Variants in TBL1XR1 observed in about 807,000 individuals in gnomAD.
TBL1XR1 encodes the protein F-box-like/WD repeat-containing protein TBL1XR1.
Under a neutral mutation model 66.9 loss-of-function variants are expected in TBL1XR1, and 5 were observed. That is an observed-to-expected ratio of 0.07 (90% CI 0.04 to 0.16). The LOEUF is 0.16. TBL1XR1 is among the 10% of genes least tolerant of loss of function. TBL1XR1 has a pLI of 1.00. For synonymous variants in TBL1XR1, 210 were observed against 206.0 expected, an observed-to-expected ratio of 1.02 and a Z score of -0.17; for missense variants, 238 against 623.2, an observed-to-expected ratio of 0.38 and a Z score of 6.58.
intron 2 of TBL1XR1, among the ~76,000 whole-genome samples, chr3:177,071,534 T>G (rs967990063): frequency 1.3e-5 from 2 of 152,078 alleles, no homozygotes; most frequent in African/African-American, 4.8e-5. Context: ...AGAGTAAAAA[T>G]GTCCAAAAGA....
chr3:177,135,307 C>CTGTGTGTGTG lies in TBL1XR1; in HGVS notation c.-121-36776_-121-36767dup, dbSNP rs376418228. On this transcript the variant is annotated intron_variant, in intron 1 of 15. Coordinates refer to ENST00000457928, the MANE Select transcript of TBL1XR1 (RefSeq NM_024665.7). The stretch of plus-strand genomic sequence containing the variant: ...GTGAGCCACCGCACAAGGCCGCACT[C>CTGTGTGTGTG]TGTGTGTGTGTGTGTGTGTGTGTGT... Among the ~76,000 whole-genome samples the CTGTGTGTGTG allele has an allele frequency of 1.9e-4, 14 of 72,586 alleles. 2 individuals carry two copies. Among genetic ancestry groups the CTGTGTGTGTG allele is most frequent in the South Asian group, 1.0e-3 (2 of 1,986 alleles). 47.6% of individuals were successfully genotyped at this position (72,586 alleles called of 152,430 possible). A position where few individuals can be genotyped will look rare whatever the true frequency, so the allele number is the denominator to read the frequency against.
rs1179754580 is a variant in TBL1XR1, at chr3:177,023,388, A to G, written c.*2110T>C. 1 of 152,472 alleles carries G rather than the reference A, an allele frequency of 6.6e-6. No homozygotes were observed. Among genetic ancestry groups the G allele is most frequent in the African/African-American group, 2.4e-5 (1 of 41,430 alleles). 9.4% of individuals were successfully genotyped at this position (152,472 alleles called of 1,614,324 possible). On this transcript the variant is annotated 3_prime_UTR_variant, in exon 16 of 16. Coordinates refer to ENST00000457928, the MANE Select transcript of TBL1XR1 (RefSeq NM_024665.7). Reference sequence around the variant, plus strand: ...CAACCACAGATGTGGACCTCCAGCAATAAAAGCAGGAATTCAAGTGCCAGA... The same window carrying G: ...CAACCACAGATGTGGACCTCCAGCAGTAAAAGCAGGAATTCAAGTGCCAGA...
At chr3:177,065,141 C>A in intron 2 of TBL1XR1, 119 bp from the exon 3 acceptor site, 2 of 574,084 alleles carry the variant, frequency 3.5e-6, no homozygotes, top group Non-Finnish European at 5.4e-6. Flanking sequence ...TCTACATTGC[C>A]TAATAATAAA....
intron 1 of TBL1XR1, among the ~76,000 whole-genome samples, chr3:177,189,283 C>G (rs1257235663): frequency 7.3e-6 from 1 of 137,682 alleles, no homozygotes; most frequent in Non-Finnish European, 1.6e-5. Flanking sequence ...TCTGGGAAGC[C>G]GAGGTGGGCA....
At chr3:177,037,818 G>T in intron 12 of TBL1XR1, 2 of 233,450 alleles carry the variant, frequency 8.6e-6, no homozygotes, top group Non-Finnish European at 1.6e-5. Context: ...CTTCTTATTG[G>T]TTCTGTTTCT....
At chr3:177,174,615 G>A (rs764594102) in intron 1 of TBL1XR1, among the ~76,000 whole-genome samples, 21 of 152,052 alleles carry the variant, frequency 1.4e-4, no homozygotes, top group Admixed American at 5.2e-4. Context: ...AAGGAGACCC[G>A]GATGCTTAGC....
At chr3:177,189,664 A>AAAAAAAAAAAAAAAAAAAAAAAAATTTC (rs57549428) in intron 1 of TBL1XR1, among the ~76,000 whole-genome samples, 13 of 141,930 alleles carry the variant, frequency 9.2e-5, no homozygotes, top group African/African-American at 3.3e-4. Context: ...AAAAAAAAAA[A>AAAAAAAAAAAAAAAAAAAAAAAAATTTC]AGAAGGATGT....
At chr3:177,051,339 T>C (rs1429726363) in intron 5 of TBL1XR1, among the ~76,000 whole-genome samples, 165 bp downstream of exon 5, 1 of 152,030 alleles carries the variant, frequency 6.6e-6, no homozygotes, top group Non-Finnish European at 1.5e-5. Context: ...AAAATAACTA[T>C]TGGGCACTAG....
chr3:177,118,214 A>G (rs1299979425), intron 1 of TBL1XR1, among the ~76,000 whole-genome samples: 2 of 152,226 alleles, frequency 1.3e-5, no homozygotes, highest in Non-Finnish European at 2.9e-5. Context: ...TGTTATTTCA[A>G]AATCACTCGA....
At position 177,064,957 on chromosome 3, in the gene TBL1XR1, C is replaced by T. The variant is rs1369498069; in HGVS notation, c.21G>A (p.Glu7=). ...AGTATCTATATACCAAGAAGTTGAC[C>T]TCATCACTGCTTATACTCATCTTTA... is the stretch of plus-strand genomic sequence containing the variant. MSISSD[E]VNFLVYRYLQ... The change falls in exon 3 of 16, where the codon GAG becomes GAA. Residue 7 remains glutamate, a synonymous_variant. Transcript: ENST00000457928. The T allele has an allele frequency of 1.3e-6, 2 of 1,549,412 alleles. No homozygotes were observed. Among genetic ancestry groups the T allele is most frequent in the Non-Finnish European group, 1.7e-6 (2 of 1,146,750 alleles).
At chr3:177,193,050 G>C (rs990636637) in intron 1 of TBL1XR1, among the ~76,000 whole-genome samples, 13 of 152,044 alleles carry the variant, frequency 8.6e-5, no homozygotes, top group Admixed American at 7.2e-4. Context: ...CTACTTGGGA[G>C]GCTGAGGCAG....
intron 2 of TBL1XR1, among the ~76,000 whole-genome samples, chr3:177,084,087 C>CA (rs36022409): frequency 0.29 from 21,063 of 73,642 alleles, 2,071 homozygotes; most frequent in South Asian, 0.47. Flanking sequence ...GACTCCGTCT[C>CA]AAAAAAAAAA....
Position 177,047,520 on chromosome 3 carries a change from G to A in TBL1XR1, c.732C>T (p.Ser244=). The change falls in exon 8 of 16, where the codon TCC becomes TCT. Residue 244 remains serine, a synonymous_variant. Coordinates refer to ENST00000457928, the MANE Select transcript of TBL1XR1 (RefSeq NM_024665.7). The part of the protein sequence containing the change: ...NSEGTLLATG[S]YDGFARIWTK... ...TCCATATTCTGGCAAACCCATCATA[G>A]GAACCAGTTGCTAGAAGTGTACCTT... 1 of 1,613,034 alleles carries A rather than the reference G, an allele frequency of 6.2e-7. No individual in the cohort carries two copies. Among genetic ancestry groups the A allele is most frequent in the Non-Finnish European group, 8.5e-7 (1 of 1,179,400 alleles).
intron 2 of TBL1XR1, among the ~76,000 whole-genome samples, chr3:177,066,996 T>G (rs1408360312): frequency 6.6e-6 from 1 of 152,194 alleles, no homozygotes; most frequent in Non-Finnish European, 1.5e-5. Flanking sequence ...TCAAATACTC[T>G]TTTGAGGATA....
At chr3:177,078,683 G>C (rs748334628) in intron 2 of TBL1XR1, 7 of 150,176 alleles carry the variant, frequency 4.7e-5, no homozygotes, top group African/African-American at 1.7e-4. Context: ...GGTGGCTCAC[G>C]TCTGTAATCC....
chr3:177,083,915 C>T (rs539921180), intron 2 of TBL1XR1, among the ~76,000 whole-genome samples: 2 of 151,770 alleles, frequency 1.3e-5, no homozygotes, highest in South Asian at 4.2e-4. Flanking sequence ...TGATGAAACC[C>T]CATCTCTACT....
rs1034310514 is a variant in TBL1XR1, at chr3:177,023,227, G to A, written c.*2271C>T. 7 of 152,468 alleles carry A rather than the reference G, an allele frequency of 4.6e-5. No individual in the cohort carries two copies. The highest frequency in any genetic ancestry group is 1.7e-4 in the African/African-American group (7 of 41,418). The allele number at this position is 152,468 out of a possible 1,614,324, so 9.4% of individuals were successfully genotyped here. On this transcript the variant is annotated 3_prime_UTR_variant, in exon 16 of 16. Coordinates refer to ENST00000457928, the MANE Select transcript of TBL1XR1 (RefSeq NM_024665.7). The stretch of plus-strand genomic sequence containing the variant: ...TTTCAGATTTAAATTCAGTGCAATT[G>A]ACAAATGCATCACTAAAGGAAAATG...
chr3:177,102,728 C>T (rs1438199317), intron 1 of TBL1XR1, among the ~76,000 whole-genome samples: 1 of 152,204 alleles, frequency 6.6e-6, no homozygotes, highest in African/African-American at 2.4e-5. Flanking sequence ...CCCTGACATT[C>T]CTCATTCCTT....
At chr3:177,035,715 G>A (rs1360306601) in intron 12 of TBL1XR1, among the ~76,000 whole-genome samples, 1 of 152,120 alleles carries the variant, frequency 6.6e-6, no homozygotes, top group Non-Finnish European at 1.5e-5. Flanking sequence ...CAACATGGGG[G>A]CACTAGCTGT....
Sources: allele counts gnomAD v4.1 joint callset (sites outside exome capture counted in the v4.1 genomes callset), GRCh38; gene constraint gnomAD v4.1.1; transcripts MANE v1.5; gene names NCBI Gene and HGNC (gene_info 2026-07-23, HGNC 2026-07-21).